The following CTNNA3 variants were observed in gnomAD, a reference collection of about 807,000 sequenced individuals.
CTNNA3 encodes catenin alpha 3, also known as catenin alpha-3.
CTNNA3 carries 76 observed loss-of-function variants against 95.7 expected under a neutral mutation model. That is an observed-to-expected ratio of 0.79 (90% CI 0.66 to 0.96). CTNNA3 has a LOEUF of 0.96. Ranked by LOEUF, CTNNA3 falls within the 40% of genes least tolerant of loss-of-function variation. The pLI is 0.00. For synonymous variants in CTNNA3, 431 were observed against 374.4 expected (o/e 1.15, Z -1.74); for missense variants, 1,191 against 1,089.8 (o/e 1.09, Z -1.31).
chr10:67,114,710 GT>G (rs1406572981), intron 7 of CTNNA3, among the ~76,000 whole-genome samples: 21 of 10,642 alleles, frequency 2.0e-3, no homozygotes, highest in South Asian at 4.8e-3. Flanking sequence ...GTTCTTAAAG[GT>G]GTGTGTGTGT....
At chr10:66,269,271 C>A (rs1481634340) in intron 13 of CTNNA3, among the ~76,000 whole-genome samples, 1 of 152,086 alleles carries the variant, frequency 6.6e-6, no homozygotes, top group Admixed American at 6.6e-5. Flanking sequence ...CGGAGGCAAA[C>A]CTAAAATAAG....
chr10:67,744,173 A>G (rs1841360070), intron 1 of CTNNA3, among the ~76,000 whole-genome samples: 1 of 151,306 alleles, frequency 6.6e-6, no homozygotes, highest in African/African-American at 2.4e-5. Context: ...ATATGGAACC[A>G]AAAAAGAGCC....
At chr10:67,600,641 T>C (rs968630398) in intron 3 of CTNNA3, among the ~76,000 whole-genome samples, 28 of 152,210 alleles carry the variant, frequency 1.8e-4, no homozygotes, top group African/African-American at 6.8e-4. Context: ...TTTGGAAAGC[T>C]GTTTGGTAAT....
intron 1 of CTNNA3, among the ~76,000 whole-genome samples, chr10:67,694,711 C>T (rs1403909993): frequency 3.3e-5 from 5 of 151,774 alleles, no homozygotes. Context: ...AAGCAAGGTT[C>T]CAAATTTTAT....
intron 7 of CTNNA3, among the ~76,000 whole-genome samples, chr10:67,124,572 A>C (rs1859626273): frequency 6.6e-6 from 1 of 152,152 alleles, no homozygotes; most frequent in Non-Finnish European, 1.5e-5. Flanking sequence ...AGCTATGTCA[A>C]AAGGAAGATC....
chr10:65,954,913 A>G (rs914552658), intron 17 of CTNNA3, among the ~76,000 whole-genome samples: 2 of 152,088 alleles, frequency 1.3e-5, no homozygotes, highest in African/African-American at 2.4e-5. Context: ...TTTTTTTCCA[A>G]TTCTGTGAAG....
intron 10 of CTNNA3, among the ~76,000 whole-genome samples, chr10:66,611,711 C>T (rs1844336438): frequency 1.3e-5 from 2 of 152,148 alleles, no homozygotes; most frequent in Admixed American, 1.3e-4. Flanking sequence ...TCTGTCTTTG[C>T]TGATCACTGT....
intron 9 of CTNNA3, among the ~76,000 whole-genome samples, chr10:66,650,908 C>T (rs1845872641): frequency 6.6e-6 from 1 of 152,174 alleles, no homozygotes; most frequent in Non-Finnish European, 1.5e-5. Flanking sequence ...CTTCCACAGC[C>T]TGGAAGGAAA....
At chr10:66,858,990 C>A (rs952932908) in intron 7 of CTNNA3, among the ~76,000 whole-genome samples, 2 of 151,896 alleles carry the variant, frequency 1.3e-5, no homozygotes, top group African/African-American at 2.4e-5. Context: ...ATATAGAGAT[C>A]TTTTAAAAAG....
intron 17 of CTNNA3, among the ~76,000 whole-genome samples, chr10:65,938,636 A>T (rs769090444): frequency 2.0e-4 from 31 of 152,084 alleles, no homozygotes; most frequent in Non-Finnish European, 4.0e-4. Flanking sequence ...GGCTGTGCCA[A>T]TTTATCCACA....
At chr10:66,408,313 T>C (rs889413715) in intron 11 of CTNNA3, among the ~76,000 whole-genome samples, 1 of 152,236 alleles carries the variant, frequency 6.6e-6, no homozygotes, top group Non-Finnish European at 1.5e-5. Flanking sequence ...ACAATTCTTA[T>C]TTTCCAAATG....
At chr10:67,110,864 A>C (rs1186861153) in intron 7 of CTNNA3, among the ~76,000 whole-genome samples, 1 of 152,204 alleles carries the variant, frequency 6.6e-6, no homozygotes, top group Non-Finnish European at 1.5e-5. Context: ...TAGATTAAAA[A>C]TTAAATTAGG....
At chr10:67,757,726 T>C (rs1360062734) in intron 1 of CTNNA3, among the ~76,000 whole-genome samples, 2 of 152,230 alleles carry the variant, frequency 1.3e-5, no homozygotes, top group African/African-American at 2.4e-5. Flanking sequence ...TTCCCTACTT[T>C]TGAGGTTTTG....
chr10:66,556,238 A>C (rs1344171227), intron 10 of CTNNA3, among the ~76,000 whole-genome samples: 1 of 152,042 alleles, frequency 6.6e-6, no homozygotes, highest in Non-Finnish European at 1.5e-5. Flanking sequence ...GTGAGCAGAA[A>C]AGTGAGCCCT....
At chr10:66,211,785 C>T (rs2088173001) in intron 13 of CTNNA3, among the ~76,000 whole-genome samples, 1 of 152,140 alleles carries the variant, frequency 6.6e-6, no homozygotes, top group Non-Finnish European at 1.5e-5. Flanking sequence ...GAACACCAAA[C>T]ACCAGCCAAT....
At chr10:67,568,508 C>T (rs577964720) in intron 3 of CTNNA3, among the ~76,000 whole-genome samples, 1 of 151,348 alleles carries the variant, frequency 6.6e-6, no homozygotes, top group Admixed American at 6.6e-5. Context: ...TATTTCCTTG[C>T]ACGCACACAC....
At chr10:67,390,085 A>AT (rs748314699) in intron 5 of CTNNA3, among the ~76,000 whole-genome samples, 2 of 152,238 alleles carry the variant, frequency 1.3e-5, no homozygotes, top group Non-Finnish European at 2.9e-5. Context: ...AAATAAAGAC[A>AT]TAAAAAACCC....
At chr10:67,221,493 G>A (rs527688770) in intron 5 of CTNNA3, among the ~76,000 whole-genome samples, 1 of 152,282 alleles carries the variant, frequency 6.6e-6, no homozygotes, top group Admixed American at 6.5e-5. Context: ...GGTATTTCTT[G>A]TATTGTAACC....
chr10:66,965,845 T>C lies in CTNNA3; in HGVS notation c.1048-190321A>G, dbSNP rs372948090. On this transcript the variant is annotated intron_variant, in intron 7 of 17. Transcript: ENST00000433211. ...TTTTTTCTATGTTAAGTGAAAATAATGATTTCATGAAATGTGCCTTCCCAT... is the reference window on the plus strand; with the variant it reads ...TTTTTTCTATGTTAAGTGAAAATAACGATTTCATGAAATGTGCCTTCCCAT... Among the ~76,000 whole-genome samples, 4 of 152,270 alleles carry C rather than the reference T, an allele frequency of 2.6e-5. No homozygotes were observed. In the South Asian group the frequency reaches 8.3e-4, roughly 32 times the overall value.
Sources: allele counts gnomAD v4.1 joint callset (sites outside exome capture counted in the v4.1 genomes callset), GRCh38; gene constraint gnomAD v4.1.1; transcripts MANE v1.5; gene names NCBI Gene and HGNC (gene_info 2026-07-23, HGNC 2026-07-21).